TLN2: variants seen among roughly 807,000 people sequenced by gnomAD.
TLN2 encodes the protein talin 2.
TLN2 carries 118 observed loss-of-function variants against 294.7 expected under a neutral mutation model. The ratio of observed to expected loss-of-function variants is 0.40; its 90% CI spans 0.34 to 0.47. TLN2 has a LOEUF of 0.47. Among genes scored for constraint, TLN2 ranks in the 20% least tolerant of loss-of-function variants. The probability of loss-of-function intolerance (pLI) is 0.84; values close to 1 mark genes in which losing one functional copy is unlikely to be tolerated. For missense variants in TLN2, 3,083 were observed against 3,282.2 expected (o/e 0.94, Z 1.48); for synonymous variants, 1,431 against 1,304.5 (o/e 1.10, Z -2.09).
chr15:62,723,708 A>AT (rs964091476), intron 26 of TLN2, among the ~76,000 whole-genome samples: 2 of 150,646 alleles, frequency 1.3e-5, no homozygotes, highest in Admixed American at 6.6e-5. Flanking sequence ...CATCCAATTA[A>AT]TTTTTTTTGT....
chr15:62,583,727 A>G (rs1490396611), intron 1 of TLN2, among the ~76,000 whole-genome samples: 1 of 152,216 alleles, frequency 6.6e-6, no homozygotes, highest in Non-Finnish European at 1.5e-5. Flanking sequence ...CATGTAGTCA[A>G]ATTGTTCAAG....
intron 54 of TLN2, chr15:62,832,079 T>G (rs912172401): frequency 6.7e-6 from 1 of 149,784 alleles, no homozygotes; most frequent in Non-Finnish European, 1.5e-5. Context: ...ACTGTAAAAA[T>G]AAGGATAAAG....
intron 1 of TLN2, among the ~76,000 whole-genome samples, chr15:62,427,766 A>G (rs1236583771): frequency 6.6e-6 from 1 of 151,996 alleles, no homozygotes; most frequent in African/African-American, 2.4e-5. Flanking sequence ...TGTAAATTGG[A>G]TCTCAGCTTT....
intron 9 of TLN2, among the ~76,000 whole-genome samples, chr15:62,670,949 G>T (rs1180517187): frequency 6.6e-6 from 1 of 152,184 alleles, no homozygotes. Context: ...AACACTTGCT[G>T]TTGTCCATCT....
chr15:62,577,168 G>A (rs2044492562), intron 1 of TLN2, among the ~76,000 whole-genome samples: 1 of 152,226 alleles, frequency 6.6e-6, no homozygotes, highest in Admixed American at 6.5e-5. Context: ...ACTTTGCCGG[G>A]CGCGGTGGCT....
intron 1 of TLN2, among the ~76,000 whole-genome samples, chr15:62,456,903 CATT>C (rs2036514506): frequency 1.3e-5 from 2 of 152,148 alleles, no homozygotes; most frequent in African/African-American, 4.8e-5. Context: ...GACATTCTGG[CATT>C]AGGCCACCAA....
chr15:62,756,818 C>T (rs575616875), intron 37 of TLN2, among the ~76,000 whole-genome samples: 5 of 152,138 alleles, frequency 3.3e-5, no homozygotes, highest in South Asian at 2.1e-4. Flanking sequence ...CCCAGCCCAG[C>T]GCTAGTTGGA....
chr15:62,838,118 A>G (rs1374745646), intron 57 of TLN2: 3 of 152,246 alleles, frequency 2.0e-5, no homozygotes, highest in Admixed American at 6.5e-5. Flanking sequence ...ACCTGTCTCT[A>G]GCAGTCACTC....
At chr15:62,434,060 T>C (rs891705783) in intron 1 of TLN2, among the ~76,000 whole-genome samples, 1 of 142,354 alleles carries the variant, frequency 7.0e-6, no homozygotes, top group East Asian at 2.2e-4. Flanking sequence ...TTTAATACAA[T>C]TTTAATTTTC....
chr15:62,591,063 GTTC>G (rs1272285628), intron 2 of TLN2, among the ~76,000 whole-genome samples: 1 of 151,362 alleles, frequency 6.6e-6, no homozygotes. Context: ...TTTACATACT[GTTC>G]TTTGTATTTT....
At chr15:62,810,125 C>A in intron 52 of TLN2, 93 bp downstream of exon 52, 1 of 1,030,986 alleles carries the variant, frequency 9.7e-7, no homozygotes, top group Non-Finnish European at 1.5e-6. Flanking sequence ...GAAGACCTCT[C>A]TCAGAGCCCT....
chr15:62,480,936 T>A (rs1308245754), intron 1 of TLN2, among the ~76,000 whole-genome samples: 1 of 152,180 alleles, frequency 6.6e-6, no homozygotes, highest in Non-Finnish European at 1.5e-5. Context: ...ATTCGAAATG[T>A]CCCCACCCCA....
At chr15:62,795,003 G>GATTTACAT in intron 46 of TLN2, among the ~76,000 whole-genome samples, 1 of 152,274 alleles carries the variant, frequency 6.6e-6, no homozygotes, top group East Asian at 1.9e-4. Context: ...TGACACATGC[G>GATTTACAT]ATTTACATTG....
At chr15:62,540,339 T>A (rs2140520055) in intron 1 of TLN2, among the ~76,000 whole-genome samples, 2 of 142,408 alleles carry the variant, frequency 1.4e-5, no homozygotes, top group Non-Finnish European at 3.0e-5. Flanking sequence ...GACGCCATCT[T>A]AAAATAAATA....
At chr15:62,420,046 T>C (rs576039256) in intron 1 of TLN2, among the ~76,000 whole-genome samples, 37 of 152,318 alleles carry the variant, frequency 2.4e-4, no homozygotes, top group Non-Finnish European at 4.4e-4. Context: ...TTTGTTCTTA[T>C]TTCTTATGTT....
chr15:62,747,932 G>A (rs566180989), intron 32 of TLN2, among the ~76,000 whole-genome samples: 14 of 152,138 alleles, frequency 9.2e-5, no homozygotes, highest in East Asian at 5.8e-4. Flanking sequence ...CCTCATATTC[G>A]TCACATTGAG....
At chr15:62,771,379 A>C (rs939610766) in intron 42 of TLN2, among the ~76,000 whole-genome samples, 1 of 152,346 alleles carries the variant, frequency 6.6e-6, no homozygotes, top group South Asian at 2.1e-4. Flanking sequence ...GGGAAGAAAA[A>C]TGTATGGTGC....
At chr15:62,432,808 A>T (rs1180783760) in intron 1 of TLN2, among the ~76,000 whole-genome samples, 1 of 152,052 alleles carries the variant, frequency 6.6e-6, no homozygotes, top group African/African-American at 2.4e-5. Flanking sequence ...CCTAGAATGC[A>T]TATTTATAGA....
At chr15:62,668,508 G>A (rs117955619) in intron 9 of TLN2, among the ~76,000 whole-genome samples, 1 of 152,260 alleles carries the variant, frequency 6.6e-6, no homozygotes, top group East Asian at 1.9e-4. Flanking sequence ...GCCACCACCT[G>A]GTCTTCATTG....
Sources: allele counts gnomAD v4.1 joint callset (sites outside exome capture counted in the v4.1 genomes callset), GRCh38; gene constraint gnomAD v4.1.1; transcripts MANE v1.5; gene names NCBI Gene and HGNC (gene_info 2026-07-23, HGNC 2026-07-21).